The following C16orf87 variants were observed in gnomAD, a reference collection of about 807,000 sequenced individuals.
The protein encoded by C16orf87 is UPF0547 protein C16orf87.
A neutral mutation model predicts 21.0 loss-of-function variants in C16orf87; 13 were observed. The ratio of observed to expected loss-of-function variants is 0.62; its 90% CI spans 0.40 to 0.98. The LOEUF (loss-of-function observed/expected upper bound fraction) is 0.98, where lower values mean the gene tolerates loss of function less well. Ranked by LOEUF, C16orf87 falls within the 50% of genes least tolerant of loss-of-function variation. C16orf87 has a pLI of 0.00. For missense variants in C16orf87, 113 were observed against 180.4 expected, an observed-to-expected ratio of 0.63 and a Z score of 2.14; for synonymous variants, 49 against 60.2, an observed-to-expected ratio of 0.81 and a Z score of 0.86.
chr16:46,817,936 A>C (rs1350534328), intron 2 of C16orf87, among the ~76,000 whole-genome samples: 1 of 150,934 alleles, frequency 6.6e-6, no homozygotes. Flanking sequence ...AAAAAAAAAA[A>C]AAACCACAAA....
chr16:46,812,107 G>A (rs1158699060), intron 2 of C16orf87, among the ~76,000 whole-genome samples: 2 of 152,126 alleles, frequency 1.3e-5, no homozygotes, highest in Non-Finnish European at 2.9e-5. Flanking sequence ...AGCCAGGCAT[G>A]GTGGTGTGCG....
intron 2 of C16orf87, among the ~76,000 whole-genome samples, chr16:46,814,290 A>T (rs968657792): frequency 2.7e-4 from 41 of 152,366 alleles, no homozygotes; most frequent in Admixed American, 1.9e-3. Context: ...CAAAAAGTAC[A>T]GTAAGGGAGA....
At chr16:46,824,286 A>C (rs1959530479) in intron 2 of C16orf87, 100 bp downstream of exon 2, 1 of 646,526 alleles carries the variant, frequency 1.5e-6, no homozygotes, top group Admixed American at 3.3e-5. Context: ...GAATAGATTT[A>C]AACTTTTAAC....
intron 2 of C16orf87, among the ~76,000 whole-genome samples, chr16:46,818,758 C>A (rs1959296465): frequency 6.6e-6 from 1 of 152,102 alleles, no homozygotes; most frequent in African/African-American, 2.4e-5. Flanking sequence ...AGTGAGATCA[C>A]CGCTCACTGC....
chr16:46,819,302 C>T (rs998324164), intron 2 of C16orf87, among the ~76,000 whole-genome samples: 3 of 151,984 alleles, frequency 2.0e-5, no homozygotes, highest in African/African-American at 2.4e-5. Flanking sequence ...CCAGCCTGGT[C>T]TCGAACTCTT....
chr16:46,807,968 C>T, intron 3 of C16orf87: 1 of 452,686 alleles, frequency 2.2e-6, no homozygotes, highest in South Asian at 1.6e-5. Flanking sequence ...CTCTCACCCA[C>T]CACCAGAAGC....
intron 3 of C16orf87, among the ~76,000 whole-genome samples, chr16:46,808,949 T>C (rs759440726): frequency 3.1e-5 from 4 of 129,692 alleles, no homozygotes; most frequent in African/African-American, 6.0e-5. Flanking sequence ...CTTTCAATAG[T>C]AAAATTTTAA....
At position 46,830,268 on chromosome 16, in the gene C16orf87, C is replaced by CAG. The variant is rs771471669; in HGVS notation, c.66+814_66+815dup. ...AGATAGAGAGATAGAGAGAGACAGA[C>CAG]AGAGAGAGAGAGAGAGAGAGAGAGA... is the stretch of plus-strand genomic sequence containing the variant. On this transcript the variant is annotated intron_variant, in intron 1 of 3. Coordinates refer to ENST00000285697, the MANE Select transcript of C16orf87 (RefSeq NM_001001436.4). Among the ~76,000 whole-genome samples the CAG allele has an allele frequency of 7.9e-3, 471 of 59,670 alleles. 5 individuals carry two copies. Among genetic ancestry groups the CAG allele is most frequent in the African/African-American group, 0.019 (287 of 15,124 alleles). 39.1% of individuals were successfully genotyped at this position (59,670 alleles called of 152,430 possible). A position where few individuals can be genotyped will look rare whatever the true frequency, so the allele number is the denominator to read the frequency against.
At chr16:46,811,208 AAAAG>A (rs1356929288) in intron 2 of C16orf87, among the ~76,000 whole-genome samples, 1 of 152,150 alleles carries the variant, frequency 6.6e-6, no homozygotes, top group African/African-American at 2.4e-5. Context: ...TAACATCACT[AAAAG>A]AGAGAAGCAG....
chr16:46,821,123 T>C (rs149766993), intron 2 of C16orf87, among the ~76,000 whole-genome samples: 29 of 152,350 alleles, frequency 1.9e-4, no homozygotes, highest in African/African-American at 6.5e-4. Context: ...CAAATCTTAC[T>C]TCTAAGAAAT....
rs1341882736 is a variant in C16orf87 at position 46,800,266 on chromosome 16, CTCA to C, written c.*2683_*2685del. ...CAGGTCATTTGCAATTTTAAATTTT[CTCA>C]TCATAAACTGCTTCAAGCTGTTTGA... On this transcript the variant is annotated 3_prime_UTR_variant, in exon 4 of 4. Transcript: ENST00000285697. 2 of 150,012 alleles carry C rather than the reference CTCA, an allele frequency of 1.3e-5. No homozygotes were observed. Among genetic ancestry groups the C allele is most frequent in the East Asian group, 2.0e-4 (1 of 5,104 alleles). 9.3% of individuals were successfully genotyped at this position (150,012 alleles called of 1,614,324 possible).
Position 46,803,036 on chromosome 16 carries a change from G to A in C16orf87, c.381C>T (p.Asn127=). The A allele has an allele frequency of 6.3e-7, 1 of 1,599,586 alleles. No homozygotes were observed. Among genetic ancestry groups the A allele is most frequent in the Non-Finnish European group, 8.5e-7 (1 of 1,169,606 alleles). ...KQEKEIDIYA[N]LSDEKAFVFS... ...ACACGAAAGCCTTTTCATCAGACAG[G>A]TTAGCATAGATGTCAATTTCCTTTT... Residue 127 remains asparagine, a synonymous_variant, in exon 4 of 4, where the codon AAC becomes AAT. Coordinates refer to ENST00000285697, the MANE Select transcript of C16orf87 (RefSeq NM_001001436.4).
intron 3 of C16orf87, among the ~76,000 whole-genome samples, chr16:46,804,981 A>G (rs1967884770): frequency 6.6e-6 from 1 of 152,096 alleles, no homozygotes; most frequent in South Asian, 2.1e-4. Context: ...TTCCAATATC[A>G]TTTTGCTTTT....
chr16:46,811,002 A>T (rs1375602310), intron 2 of C16orf87, among the ~76,000 whole-genome samples: 1 of 152,232 alleles, frequency 6.6e-6, no homozygotes, highest in Non-Finnish European at 1.5e-5. Context: ...TTGAAAACTT[A>T]AATATAGGGC....
chr16:46,816,240 A>C (rs1446565253), intron 2 of C16orf87, among the ~76,000 whole-genome samples: 1 of 152,190 alleles, frequency 6.6e-6, no homozygotes, highest in Non-Finnish European at 1.5e-5. Flanking sequence ...GGGAGAAGGA[A>C]GTGGCTGTCA....
In C16orf87 at chr16:46,799,963, G is replaced by A. The variant is rs1392208583; in HGVS notation, c.*2989C>T. On this transcript the variant is annotated 3_prime_UTR_variant, in exon 4 of 4. Transcript: ENST00000285697. ...CAATTAATACTTTATATAAAAGTAA[G>A]TAAAGAGCTTAATTTTTCTAAATTT... 6.6e-6 allele frequency: 1 copy of A among 152,196 alleles called. No homozygotes were observed. Among genetic ancestry groups the A allele is most frequent in the East Asian group, 1.9e-4 (1 of 5,198 alleles). 9.4% of individuals were successfully genotyped at this position (152,196 alleles called of 1,614,324 possible).
chr16:46,830,683 G>A (rs117850129), intron 1 of C16orf87: 3 of 170,630 alleles, frequency 1.8e-5, no homozygotes, highest in Non-Finnish European at 2.5e-5. Flanking sequence ...GGGGTTCTCG[G>A]AGCTAGGGCC....
At chr16:46,811,502 CAAA>C (rs59450750) in intron 2 of C16orf87, among the ~76,000 whole-genome samples, 47 of 134,892 alleles carry the variant, frequency 3.5e-4, no homozygotes, top group Admixed American at 5.1e-4. Context: ...AACTCCATCT[CAAA>C]AAAAAAAAAA....
intron 1 of C16orf87, among the ~76,000 whole-genome samples, chr16:46,830,268 CAG>C (rs771471669): frequency 0.016 from 972 of 59,778 alleles, 21 homozygotes; most frequent in Middle Eastern, 0.071. Context: ...GAGAGACAGA[CAG>C]AGAGAGAGAG....
Sources: gnomAD v4.1 joint callset for allele counts (sites outside exome capture counted in the v4.1 genomes callset) on GRCh38, gnomAD v4.1.1 for gene constraint, MANE v1.5 for transcripts, NCBI Gene and HGNC (gene_info 2026-07-23, HGNC 2026-07-21) for gene names.